Variants in CCDC91 observed in about 807,000 individuals in gnomAD.
CCDC91 encodes the protein coiled-coil domain-containing protein 91.
CCDC91 carries 48 observed loss-of-function variants against 63.2 expected under a neutral mutation model. That is an observed-to-expected ratio of 0.76 (90% CI 0.60 to 0.97). CCDC91 has a LOEUF of 0.97. Among genes scored for constraint, CCDC91 ranks in the 50% least tolerant of loss-of-function variants. CCDC91 has a pLI of 0.00. For synonymous variants in CCDC91, 167 were observed against 165.8 expected, an observed-to-expected ratio of 1.01 and a Z score of -0.06; for missense variants, 500 against 494.6, an observed-to-expected ratio of 1.01 and a Z score of -0.10.
chr12:28,273,743 C>T (rs1359449183), intron 3 of CCDC91, among the ~76,000 whole-genome samples: 1 of 152,048 alleles, frequency 6.6e-6, no homozygotes, highest in African/African-American at 2.4e-5. Context: ...GATATTAGCC[C>T]TTTGTCAGAC....
At chr12:28,441,057 CAAAAAAAAAAAA>C (rs60278449) in intron 8 of CCDC91, among the ~76,000 whole-genome samples, 1 of 52,698 alleles carries the variant, frequency 1.9e-5, no homozygotes, top group Admixed American at 3.8e-4. Context: ...GACTCCATCT[CAAAAAAAAAAAA>C]AAAAAAAAAA....
chr12:28,338,620 G>A (rs1303139257), intron 6 of CCDC91, among the ~76,000 whole-genome samples: 1 of 151,822 alleles, frequency 6.6e-6, no homozygotes, highest in African/African-American at 2.4e-5. Context: ...TCTTATTGAC[G>A]TAGAAAGCTA....
At chr12:28,529,284 T>C (rs1941541987) in intron 12 of CCDC91, among the ~76,000 whole-genome samples, 1 of 152,200 alleles carries the variant, frequency 6.6e-6, no homozygotes. Context: ...CGCAGAGCTT[T>C]GCCTAGAACA....
chr12:28,505,440 G>A (rs531565222), intron 12 of CCDC91: 3 of 152,018 alleles, frequency 2.0e-5, no homozygotes, highest in South Asian at 2.1e-4. Context: ...GTCTGATCTC[G>A]GAAGCTAAGG....
At chr12:28,459,952 G>A (rs767234396) in intron 11 of CCDC91, among the ~76,000 whole-genome samples, 3 of 152,154 alleles carry the variant, frequency 2.0e-5, no homozygotes, top group East Asian at 1.9e-4. Flanking sequence ...ATTTTTTAGC[G>A]ATGTGGTTTA....
chr12:28,321,771 C>A (rs1465374831), intron 6 of CCDC91, among the ~76,000 whole-genome samples: 1 of 151,758 alleles, frequency 6.6e-6, no homozygotes, highest in African/African-American at 2.4e-5. Flanking sequence ...AAATTTTTGT[C>A]ATTTAAGCTA....
chr12:28,243,421 A>G (rs1945479913), intron 1 of CCDC91, among the ~76,000 whole-genome samples: 1 of 152,234 alleles, frequency 6.6e-6, no homozygotes, highest in Admixed American at 6.5e-5. Context: ...CCAAGGCAAC[A>G]TAAAATTATT....
chr12:28,193,775 A>G (rs1471639222), intron 1 of CCDC91, among the ~76,000 whole-genome samples: 1 of 152,132 alleles, frequency 6.6e-6, no homozygotes, highest in Non-Finnish European at 1.5e-5. Context: ...AAACCCATTT[A>G]TGTTTTAATT....
At chr12:28,285,871 A>T (rs1172958022) in intron 3 of CCDC91, among the ~76,000 whole-genome samples, 8 of 151,976 alleles carry the variant, frequency 5.3e-5, no homozygotes, top group Non-Finnish European at 1.0e-4. Context: ...TTTGATGATT[A>T]TTCTGATAAT....
chr12:28,348,584 A>G (rs1480892766), intron 6 of CCDC91, among the ~76,000 whole-genome samples: 1 of 152,106 alleles, frequency 6.6e-6, no homozygotes, highest in African/African-American at 2.4e-5. Flanking sequence ...ATTATTTTTG[A>G]TGTGTTACTG....
chr12:28,485,180 A>G (rs1003675290), intron 12 of CCDC91, among the ~76,000 whole-genome samples: 1 of 150,220 alleles, frequency 6.7e-6, no homozygotes, highest in African/African-American at 2.5e-5. Context: ...TTTTTTTGAG[A>G]CAGAGGCTTG....
At chr12:28,451,158 A>G (rs1451935384) in intron 10 of CCDC91, among the ~76,000 whole-genome samples, 2 of 151,692 alleles carry the variant, frequency 1.3e-5, no homozygotes, top group East Asian at 3.8e-4. Context: ...AGGGAGACAT[A>G]TTGACATTTT....
chr12:28,337,472 T>C lies in CCDC91; in HGVS notation c.577-24966T>C, dbSNP rs149957453. The stretch of plus-strand genomic sequence containing the variant: ...TAGATCATTGTTTTCTTTATTATTT[T>C]AAAATCATGTTATTTCTGAATATCT... On this transcript the variant is annotated intron_variant, in intron 6 of 12. Transcript: ENST00000536442. Among the ~76,000 whole-genome samples, 692 of 152,200 alleles carry C rather than the reference T, an allele frequency of 4.5e-3. 17 individuals carry two copies. In the South Asian group the frequency reaches 0.081, roughly 18 times the overall value.
chr12:28,353,083 T>C (rs1408961430), intron 6 of CCDC91, among the ~76,000 whole-genome samples: 3 of 152,234 alleles, frequency 2.0e-5, no homozygotes, highest in Non-Finnish European at 4.4e-5. Flanking sequence ...ACATCAGTAC[T>C]TGCTGCTTCA....
At chr12:28,317,039 C>A (rs529021734) in intron 6 of CCDC91, among the ~76,000 whole-genome samples, 48 of 152,060 alleles carry the variant, frequency 3.2e-4, no homozygotes, top group Admixed American at 7.2e-4. Flanking sequence ...GCATGCTGAC[C>A]TCTCCAGTGA....
intron 6 of CCDC91, among the ~76,000 whole-genome samples, chr12:28,313,647 A>G (rs569619006): frequency 3.1e-4 from 47 of 152,182 alleles, no homozygotes; most frequent in South Asian, 1.0e-3. Context: ...AATTACCAGG[A>G]TAGGTGGAGA....
At chr12:28,475,471 A>G (rs758486196) in intron 11 of CCDC91, among the ~76,000 whole-genome samples, 14 of 152,068 alleles carry the variant, frequency 9.2e-5, no homozygotes, top group Non-Finnish European at 2.1e-4. Flanking sequence ...GAGGATTAAG[A>G]CTGTGAGATT....
intron 7 of CCDC91, among the ~76,000 whole-genome samples, chr12:28,386,462 G>A (rs1270238371): frequency 2.0e-5 from 3 of 152,032 alleles, no homozygotes; most frequent in Non-Finnish European, 2.9e-5. Flanking sequence ...TCTGCCTCCC[G>A]GGTTCAAGCG....
chr12:28,393,521 G>C (rs1157990499), intron 8 of CCDC91, among the ~76,000 whole-genome samples: 1 of 151,986 alleles, frequency 6.6e-6, no homozygotes, highest in African/African-American at 2.4e-5. Flanking sequence ...TATCAAACTA[G>C]GGTGGAAGAA....
Sources: allele counts gnomAD v4.1 joint callset (sites outside exome capture counted in the v4.1 genomes callset), GRCh38; gene constraint gnomAD v4.1.1; transcripts MANE v1.5; gene names NCBI Gene and HGNC (gene_info 2026-07-23, HGNC 2026-07-21).